The following CHI3L2 variants were observed in gnomAD, a reference collection of about 807,000 sequenced individuals.
CHI3L2 encodes chitinase 3 like 2, also known as chitinase-3-like protein 2.
A neutral mutation model predicts 47.3 loss-of-function variants in CHI3L2; 47 were observed. The ratio of observed to expected loss-of-function variants is 0.99; its 90% confidence interval spans 0.79 to 1.27. CHI3L2 has a LOEUF of 1.27. Among genes scored for constraint, CHI3L2 ranks in the 50% most tolerant of loss-of-function variants. The pLI is 0.00. For missense variants in CHI3L2, 497 were observed against 462.1 expected, an observed-to-expected ratio of 1.08 and a Z score of -0.69; for synonymous variants, 198 against 169.9, an observed-to-expected ratio of 1.17 and a Z score of -1.28.
intron 7 of CHI3L2, among the ~76,000 whole-genome samples, chr1:111,237,172 C>T (rs541375247): frequency 6.8e-4 from 104 of 152,308 alleles, no homozygotes; most frequent in Non-Finnish European, 1.3e-3. Context: ...AATCTCATGG[C>T]TAATTTGTTA....
chr1:111,237,527 T>G (rs1051770397), intron 7 of CHI3L2, among the ~76,000 whole-genome samples: 3 of 152,224 alleles, frequency 2.0e-5, no homozygotes, highest in Admixed American at 6.5e-5. Flanking sequence ...GAGCTAGATA[T>G]GATTTCTGGT....
Position 111,238,915 on chromosome 1 carries a change from T to C in CHI3L2, c.901T>C (p.Phe301Leu), listed in dbSNP as rs1334433240. The change falls in exon 8 of 11, where the codon TTC becomes CTC. Residue 301 changes from phenylalanine (F) to leucine (L), a missense_variant. Coordinates refer to ENST00000369748, the MANE Select transcript of CHI3L2 (RefSeq NM_004000.3). The stretch of plus-strand genomic sequence containing the variant: ...TGGACCCATCACAGAGTCTTCAGGC[T>C]TCCTGGCCTATTATGAGGTACCTGG... ...AAGPITESSG[F>L]LAYYEICQFL... is the part of the protein sequence containing the mutation. The C allele has an allele frequency of 6.2e-7, 1 of 1,601,696 alleles. No individual in the cohort carries two copies. Among genetic ancestry groups the C allele is most frequent in the African/African-American group, 1.3e-5 (1 of 74,210 alleles).
rs1393354568 is a variant in CHI3L2 at position 111,235,024 on chromosome 1, G to C, written c.447G>C (p.Gln149His). 3 of 1,614,086 alleles carry C rather than the reference G, an allele frequency of 1.9e-6. No individual in the cohort carries two copies. Among genetic ancestry groups the C allele is most frequent in the Non-Finnish European group, 2.5e-6 (3 of 1,180,038 alleles). ...GLDVSWIYPD[Q>H]KENTHFTVLI... ...ATGTAAGCTGGATCTACCCAGATCAGAAAGAAAACACTCATTTCACTGTGC... is the reference window on the plus strand; with the variant it reads ...ATGTAAGCTGGATCTACCCAGATCACAAAGAAAACACTCATTTCACTGTGC... The change falls in exon 5 of 11, where the codon CAG becomes CAC. Residue 149 changes from glutamine (Q) to histidine (H), a missense_variant. Coordinates refer to ENST00000369748, the MANE Select transcript of CHI3L2 (RefSeq NM_004000.3).
chr1:111,235,967 C>G, intron 6 of CHI3L2, 57 bp from the exon 7 acceptor site: 5 of 1,598,086 alleles, frequency 3.1e-6, no homozygotes, highest in Non-Finnish European at 4.3e-6. Flanking sequence ...CAATTACTTA[C>G]AATTGTTTCT....
Position 111,238,946 on chromosome 1 carries a change from C to A in CHI3L2, c.918+14C>A. 6.4e-7 allele frequency: 1 copy of A among 1,564,738 alleles called. No homozygotes were observed. Among genetic ancestry groups the A allele is most frequent in the Non-Finnish European group, 8.6e-7 (1 of 1,159,668 alleles). ...GCCTATTATGAGGTACCTGGAAACC[C>A]CCTGTACCCTCAGCTCCCTGCCATG... On this transcript the variant is annotated intron_variant, in intron 8 of 10. Coordinates refer to ENST00000369748, the MANE Select transcript of CHI3L2 (RefSeq NM_004000.3).
chr1:111,242,158 C>A lies in CHI3L2; in HGVS notation c.1036-69C>A, dbSNP rs1038825786. 9 of 1,599,836 alleles carry A rather than the reference C, an allele frequency of 5.6e-6. No individual in the cohort carries two copies. The Admixed American group carries it at 6.7e-5, about 12-fold the overall frequency. Reference sequence around the variant, plus strand: ...TTTTAAGCTTAGTCCCTCATCTGAACCTGATATGGTCCTGGGCATTTAGGG... The same window carrying A: ...TTTTAAGCTTAGTCCCTCATCTGAAACTGATATGGTCCTGGGCATTTAGGG... On this transcript the variant is annotated intron_variant, in intron 9 of 10. Coordinates refer to ENST00000369748, the MANE Select transcript of CHI3L2 (RefSeq NM_004000.3).
chr1:111,237,805 A>G (rs1351192260), intron 7 of CHI3L2, among the ~76,000 whole-genome samples: 2 of 152,246 alleles, frequency 1.3e-5, no homozygotes, highest in Admixed American at 6.5e-5. Context: ...AATTCAGGTC[A>G]TGATGGGAAG....
intron 1 of CHI3L2, among the ~76,000 whole-genome samples, chr1:111,228,394 C>T (rs140935211): frequency 2.6e-5 from 4 of 152,272 alleles, no homozygotes; most frequent in African/African-American, 4.8e-5. Flanking sequence ...CCTCTTTCAC[C>T]TTGTCTTACC....
At chr1:111,231,161 C>A in intron 3 of CHI3L2, 77 bp from the exon 4 acceptor site, 1 of 1,300,942 alleles carries the variant, frequency 7.7e-7, no homozygotes, top group Non-Finnish European at 1.1e-6. Context: ...TTTCTCTACA[C>A]TTAAGAACTC....
chr1:111,230,869 C>A lies in CHI3L2; in HGVS notation c.198C>A (p.Ile66=), dbSNP rs776111377. The A allele has an allele frequency of 6.2e-7, 1 of 1,614,098 alleles. No homozygotes were observed. The highest frequency in any genetic ancestry group is 1.7e-5 in the Admixed American group (1 of 60,018). The part of the protein sequence containing the change: ...CSHLIYSFAS[I]ENNKVIIKDK... Reference sequence around the variant, plus strand: ...ATCTCATCTATTCATTCGCCAGCATCGAAAACAACAAGGTTATCATCAAGG... The same window carrying A: ...ATCTCATCTATTCATTCGCCAGCATAGAAAACAACAAGGTTATCATCAAGG... The change falls in exon 3 of 11, where the codon ATC becomes ATA. Residue 66 remains isoleucine, a synonymous_variant. Transcript: ENST00000369748.
chr1:111,230,095 C>G (rs568741455), intron 2 of CHI3L2, among the ~76,000 whole-genome samples: 3 of 152,228 alleles, frequency 2.0e-5, no homozygotes, highest in African/African-American at 7.2e-5. Flanking sequence ...ACCCCTCCCC[C>G]ATAGCTGGCC....
At chr1:111,233,897 A>G (rs984564651) in intron 4 of CHI3L2, among the ~76,000 whole-genome samples, 1 of 152,108 alleles carries the variant, frequency 6.6e-6, no homozygotes, top group African/African-American at 2.4e-5. Context: ...CTTGCCCCCA[A>G]CCCTGTGCTC....
At chr1:111,230,967 A>G (rs375108931) in intron 3 of CHI3L2, 24 bp downstream of exon 3, 2 of 1,593,198 alleles carry the variant, frequency 1.3e-6, no homozygotes, top group East Asian at 2.2e-5. Context: ...GGGTGGAAGC[A>G]TCCTGCATGG....
At chr1:111,231,527 G>GA (rs1329665942) in intron 4 of CHI3L2, 3 of 420,368 alleles carry the variant, frequency 7.1e-6, no homozygotes, top group African/African-American at 6.1e-5. Context: ...AGGCTTGAGA[G>GA]AAAGTGGGCC....
At chr1:111,235,526 G>A in intron 5 of CHI3L2, 113 bp from the exon 6 acceptor site, 1 of 1,242,826 alleles carries the variant, frequency 8.0e-7, no homozygotes, top group Non-Finnish European at 1.1e-6. Flanking sequence ...GGAGGAAAGG[G>A]TTGATCCTTT....
At chr1:111,241,235 C>T in intron 8 of CHI3L2, 92 bp from the exon 9 acceptor site, 1 of 781,094 alleles carries the variant, frequency 1.3e-6, no homozygotes, top group Non-Finnish European at 2.4e-6. Flanking sequence ...ATATTTTCCC[C>T]AAGTCCCTAG....
rs1185265289 is a variant in CHI3L2, at chr1:111,238,811, T to C, written c.797T>C (p.Ile266Thr). 6.2e-7 allele frequency: 1 copy of C among 1,613,954 alleles called. No homozygotes were observed. Among genetic ancestry groups the C allele is most frequent in the Non-Finnish European group, 8.5e-7 (1 of 1,179,980 alleles). Residue 266 changes from isoleucine to threonine, a missense_variant, in exon 8 of 11, where the codon ATC becomes ACC. Ile to Thr is a moderately conservative substitution (Grantham distance 89). Coordinates refer to ENST00000369748, the MANE Select transcript of CHI3L2 (RefSeq NM_004000.3). ...CCATCAGAGAAGGTGGTCATGGGCA[T>C]CCCCACATATGGGCACTCCTTCACA... The part of the protein sequence containing the change: ...GMPSEKVVMG[I>T]PTYGHSFTLA...
At chr1:111,238,339 G>T (rs115494743) in intron 7 of CHI3L2, among the ~76,000 whole-genome samples, 1 of 152,204 alleles carries the variant, frequency 6.6e-6, no homozygotes, top group Non-Finnish European at 1.5e-5. Context: ...CCCATTGGGT[G>T]CAAGGTCATT....
At chr1:111,235,831 A>C in intron 6 of CHI3L2, 68 bp downstream of exon 6, 3 of 1,590,078 alleles carry the variant, frequency 1.9e-6, no homozygotes, top group Non-Finnish European at 1.7e-6. Context: ...ATGCATCAGC[A>C]TGTTTGACGG....
Sources: gnomAD v4.1 joint callset for allele counts (sites outside exome capture counted in the v4.1 genomes callset) on GRCh38, gnomAD v4.1.1 for gene constraint, MANE v1.5 for transcripts, NCBI Gene and HGNC (gene_info 2026-07-23, HGNC 2026-07-21) for gene names.